Variants in KLHL36 observed in about 807,000 individuals in gnomAD.
KLHL36 encodes kelch like family member 36.
Under a neutral mutation model 53.3 loss-of-function variants are expected in KLHL36, and 35 were observed. That is an observed-to-expected ratio of 0.66 (90% CI 0.50 to 0.87). KLHL36 has a LOEUF of 0.87. Among genes scored for constraint, KLHL36 ranks in the 40% least tolerant of loss-of-function variants. The pLI is 0.00. For synonymous variants in KLHL36, 472 were observed against 398.9 expected (o/e 1.18, Z -2.18); for missense variants, 864 against 897.6 (o/e 0.96, Z 0.48).
At chr16:84,652,503 T>G (rs1468060181) in intron 2 of KLHL36, among the ~76,000 whole-genome samples, 5 of 152,178 alleles carry the variant, frequency 3.3e-5, no homozygotes, top group Non-Finnish European at 7.3e-5. Context: ...TCTCTTGACC[T>G]CGTGACCCGC....
At position 84,661,467 on chromosome 16, in the gene KLHL36, A is replaced by T; in HGVS notation, c.1296-111A>T. ...TGTTCATGGGGTGCCCACTCCCTAT[A>T]TTCTTAAATCCTCATGGCCCTCTAA... On this transcript the variant is annotated intron_variant, in intron 4 of 4. Coordinates refer to ENST00000564996, the MANE Select transcript of KLHL36 (RefSeq NM_024731.4). The surrounding 1 kb of genome is among the most constrained non-coding windows in gnomAD (Gnocchi z 7.9). The T allele has an allele frequency of 9.2e-7, 1 of 1,091,480 alleles. No individual in the cohort carries two copies. The highest frequency in any genetic ancestry group is 1.3e-6 in the Non-Finnish European group (1 of 760,172). 67.6% of individuals were successfully genotyped at this position (1,091,480 alleles called of 1,614,324 possible). A position where few individuals can be genotyped will look rare whatever the true frequency, so the allele number is the denominator to read the frequency against.
chr16:84,655,126 C>T (rs377618474), intron 2 of KLHL36, among the ~76,000 whole-genome samples: 18 of 152,276 alleles, frequency 1.2e-4, no homozygotes, highest in African/African-American at 3.6e-4. Context: ...CGGGAGAGCC[C>T]GTCCTCTGAA....
In KLHL36 at chr16:84,663,177, G is replaced by C. The variant is rs900498258; in HGVS notation, c.*1044G>C. On this transcript the variant is annotated 3_prime_UTR_variant, in exon 5 of 5. Transcript: ENST00000564996. ...AACTCCCACGCCAGGTCCTGCCCCA[G>C]TTTTCTGCTTCTAAGTAGTTTCGTG... The C allele has an allele frequency of 2.0e-5, 3 of 152,216 alleles. No individual in the cohort carries two copies. In the East Asian group the frequency reaches 5.8e-4, roughly 29 times the overall value. 9.4% of individuals were successfully genotyped at this position (152,216 alleles called of 1,614,324 possible).
At position 84,661,545 on chromosome 16, in the gene KLHL36, C is replaced by G; in HGVS notation, c.1296-33C>G. 2.6e-6 allele frequency: 4 copies of G among 1,546,218 alleles called. No individual in the cohort carries two copies. The highest frequency in any genetic ancestry group is 3.5e-6 in the Non-Finnish European group (4 of 1,142,270). On this transcript the variant is annotated intron_variant, in intron 4 of 4. Coordinates refer to ENST00000564996, the MANE Select transcript of KLHL36 (RefSeq NM_024731.4). The surrounding 1 kb of genome is among the most constrained non-coding windows in gnomAD (Gnocchi z 7.9). ...GGGGTAAGCCTGGCACAGCCCTGAG[C>G]TCTCCCTCTGTCTCTGCCCGTCGAC...
Position 84,665,448 on chromosome 16 carries a change from AC to A in KLHL36, c.*3318del, listed in dbSNP as rs1461584760. 2.0e-5 allele frequency: 3 copies of A among 152,094 alleles called. No homozygotes were observed. The highest frequency in any genetic ancestry group is 2.9e-5 in the Non-Finnish European group (2 of 68,030). 9.4% of individuals were successfully genotyped at this position (152,094 alleles called of 1,614,324 possible). On this transcript the variant is annotated 3_prime_UTR_variant, in exon 5 of 5. Transcript: ENST00000564996. ...AAGGGAGGGAGTAGAAAGCTGATGAACCCTTGTTACTTATAGCAAACTTCCT... is the reference window on the plus strand; with the variant it reads ...AAGGGAGGGAGTAGAAAGCTGATGAACCTTGTTACTTATAGCAAACTTCCT...
rs1363161173 is a variant in KLHL36 at position 84,667,661 on chromosome 16, G to C, written c.*5528G>C. The stretch of plus-strand genomic sequence containing the variant: ...TATGAAAAAGAACCCCTTGCCTGTT[G>C]ATCCTAAATATAATTTGGAAATTAA... On this transcript the variant is annotated 3_prime_UTR_variant, in exon 5 of 5. Transcript: ENST00000564996. 6.6e-6 allele frequency: 1 copy of C among 152,132 alleles called. No individual in the cohort carries two copies. Among genetic ancestry groups the C allele is most frequent in the Non-Finnish European group, 1.5e-5 (1 of 68,024 alleles). 9.4% of individuals were successfully genotyped at this position (152,132 alleles called of 1,614,324 possible).
At chr16:84,651,430 G>T (rs75355538) in intron 2 of KLHL36, among the ~76,000 whole-genome samples, 57 of 152,254 alleles carry the variant, frequency 3.7e-4, no homozygotes, top group African/African-American at 1.3e-3. Flanking sequence ...CCAGGCTACT[G>T]GGGGAGTTCT....
At position 84,657,162 on chromosome 16, in the gene KLHL36, G is replaced by A. The variant is rs200588929; in HGVS notation, c.355G>A (p.Val119Ile). Residue 119 changes from valine (V) to isoleucine (I), a missense_variant, in exon 3 of 5, where the codon GTC becomes ATC. By Grantham distance (29) the Val-to-Ile change is conservative. Coordinates refer to ENST00000564996, the MANE Select transcript of KLHL36 (RefSeq NM_024731.4). Reference sequence around the variant, plus strand: ...GCTGGATGGCGGCAACATTGACTACGTCCTGGAGACGGCTCACCTGCTGCA... The same window carrying A: ...GCTGGATGGCGGCAACATTGACTACATCCTGGAGACGGCTCACCTGCTGCA... ...LVLDGGNIDYVLETAHLLQIW... is the reference protein window; with the variant it reads ...LVLDGGNIDYILETAHLLQIW... 5.6e-6 allele frequency: 9 copies of A among 1,614,144 alleles called. No individual in the cohort carries two copies. Among genetic ancestry groups the A allele is most frequent in the East Asian group, 2.2e-5 (1 of 44,890 alleles).
chr16:84,650,128 A>C (rs1203292326), intron 1 of KLHL36, among the ~76,000 whole-genome samples: 1 of 151,856 alleles, frequency 6.6e-6, no homozygotes, highest in Non-Finnish European at 1.5e-5. Context: ...AGCTTATTTC[A>C]CCTCACTGCT....
chr16:84,657,723 G>T lies in KLHL36; in HGVS notation c.916G>T (p.Glu306Ter). 1 of 1,612,442 alleles carries T rather than the reference G, an allele frequency of 6.2e-7. No individual in the cohort carries two copies. The highest frequency in any genetic ancestry group is 8.5e-7 in the Non-Finnish European group (1 of 1,179,718). ...RLLFVGGEVS[E>*]RCLELSDDTC... ...GCTGTTTGTGGGCGGCGAGGTCTCC[G>T]AGCGGTGTCTGGAGCTCAGTGACGA... The change falls in exon 3 of 5, where the codon GAG becomes TAG. Residue 306 changes from glutamate to a stop codon, truncating the protein, a stop_gained. Transcript: ENST00000564996. LOFTEE classifies it high-confidence loss of function.
chr16:84,656,807 C>A, intron 2 of KLHL36, 64 bp from the exon 3 acceptor site: 2 of 1,190,962 alleles, frequency 1.7e-6, no homozygotes, highest in Middle Eastern at 2.7e-4. Flanking sequence ...TGGTCAGGAC[C>A]CACTGGGTTG....
rs2150729941 is a variant in KLHL36 at position 84,662,376 on chromosome 16, C to G, written c.*243C>G. On this transcript the variant is annotated 3_prime_UTR_variant, in exon 5 of 5. Transcript: ENST00000564996. ...AGCAACCCCTTGTATCTTCACAGGT[C>G]TTTGCCCCGTGTTATGATTCCTCAT... 2.4e-6 allele frequency: 1 copy of G among 422,782 alleles called. No homozygotes were observed. Among genetic ancestry groups the G allele is most frequent in the East Asian group, 3.6e-5 (1 of 27,512 alleles). 26.2% of individuals were successfully genotyped at this position (422,782 alleles called of 1,614,324 possible). A position where few individuals can be genotyped will look rare whatever the true frequency, so the allele number is the denominator to read the frequency against.
At position 84,656,891 on chromosome 16, in the gene KLHL36, C is replaced by G. The variant is rs558940373; in HGVS notation, c.84C>G (p.His28Gln). 17 of 1,611,126 alleles carry G rather than the reference C, an allele frequency of 1.1e-5. No homozygotes were observed. In the South Asian group the frequency reaches 1.8e-4, roughly 17 times the overall value. The change falls in exon 3 of 5, where the codon CAC becomes CAG. Residue 28 changes from histidine (H) to glutamine (Q), a missense_variant. Transcript: ENST00000564996. ...TCCAGGTATACCGCTGGGCCGACCACTCAAGCACGGTGCTGCAGCGGCTGA... is the reference window on the plus strand; with the variant it reads ...TCCAGGTATACCGCTGGGCCGACCAGTCAAGCACGGTGCTGCAGCGGCTGA... ...ESSKVYRWADHSSTVLQRLNE... is the reference protein window; with the variant it reads ...ESSKVYRWADQSSTVLQRLNE...
rs1438986220 is a variant in KLHL36, at chr16:84,662,139, G to A, written c.*6G>A. 1 of 1,516,622 alleles carries A rather than the reference G, an allele frequency of 6.6e-7. No homozygotes were observed. Among genetic ancestry groups the A allele is most frequent in the Non-Finnish European group, 8.9e-7 (1 of 1,128,300 alleles). 93.9% of individuals were successfully genotyped at this position (1,516,622 alleles called of 1,614,324 possible). On this transcript the variant is annotated 3_prime_UTR_variant, in exon 5 of 5. Transcript: ENST00000564996. ...ACCAGGACCGGGGCCAGTGACCCTA[G>A]CTGCGCCTCTTGGGACCATCCTCAC...
intron 2 of KLHL36, among the ~76,000 whole-genome samples, chr16:84,652,513 C>T (rs1304972431): frequency 6.6e-6 from 1 of 152,170 alleles, no homozygotes; most frequent in Non-Finnish European, 1.5e-5. Flanking sequence ...TCGTGACCCG[C>T]CAGCCTTGGC....
In KLHL36 at chr16:84,662,223, T is replaced by C. The variant is rs1907603678; in HGVS notation, c.*90T>C. On this transcript the variant is annotated 3_prime_UTR_variant, in exon 5 of 5. Coordinates refer to ENST00000564996, the MANE Select transcript of KLHL36 (RefSeq NM_024731.4). ...ACTTCTTAGTATTCCGGAAACATTATGTACAACTTAGCAGCTTTTTTTACT... is the reference window on the plus strand; with the variant it reads ...ACTTCTTAGTATTCCGGAAACATTACGTACAACTTAGCAGCTTTTTTTACT... 2 of 1,189,042 alleles carry C rather than the reference T, an allele frequency of 1.7e-6. No homozygotes were observed. Among genetic ancestry groups the C allele is most frequent in the South Asian group, 1.6e-5 (1 of 60,946 alleles). 73.7% of individuals were successfully genotyped at this position (1,189,042 alleles called of 1,614,324 possible). A position where few individuals can be genotyped will look rare whatever the true frequency, so the allele number is the denominator to read the frequency against.
chr16:84,649,693 C>T (rs1906717504), intron 1 of KLHL36, among the ~76,000 whole-genome samples: 1 of 152,236 alleles, frequency 6.6e-6, no homozygotes, highest in Non-Finnish European at 1.5e-5. Context: ...ACGGGACGGA[C>T]TGTGCCCGAA....
intron 4 of KLHL36, among the ~76,000 whole-genome samples, chr16:84,660,177 G>C (rs577132706): frequency 6.6e-6 from 1 of 152,304 alleles, no homozygotes; most frequent in South Asian, 2.1e-4. Context: ...TGCAGTTGCT[G>C]AGCTTCAGAG....
Position 84,657,153 on chromosome 16 carries a change from A to G in KLHL36, c.346A>G (p.Ile116Val), listed in dbSNP as rs1907255118. ...GGELVLDGGNIDYVLETAHLL... is the reference protein window; with the variant it reads ...GGELVLDGGNVDYVLETAHLL... ...GGAGCTGGTGCTGGATGGCGGCAAC[A>G]TTGACTACGTCCTGGAGACGGCTCA... Residue 116 changes from isoleucine (I) to valine (V), a missense_variant, in exon 3 of 5, where the codon ATT (isoleucine) becomes GTT (valine). By Grantham distance (29) the Ile-to-Val change is conservative (BLOSUM62 3). Transcript: ENST00000564996. 3 of 1,614,022 alleles carry G rather than the reference A, an allele frequency of 1.9e-6. No individual in the cohort carries two copies. Among genetic ancestry groups the G allele is most frequent in the African/African-American group, 2.7e-5 (2 of 74,918 alleles).
Sources: allele counts gnomAD v4.1 joint callset (sites outside exome capture counted in the v4.1 genomes callset), GRCh38; gene constraint gnomAD v4.1.1; non-coding constraint Gnocchi (gnomAD v3.1); transcripts MANE v1.5; gene names NCBI Gene and HGNC (gene_info 2026-07-23, HGNC 2026-07-21).